Variants in GLIS3 observed in about 807,000 individuals in gnomAD.
GLIS3 encodes the protein zinc finger protein GLIS3.
GLIS3 carries 53 observed loss-of-function variants against 78.6 expected under a neutral mutation model. That is an observed-to-expected ratio of 0.67 (90% CI 0.54 to 0.85). GLIS3 has a LOEUF of 0.85. Among genes scored for constraint, GLIS3 ranks in the 40% least tolerant of loss-of-function variants. The probability of loss-of-function intolerance (pLI) is 0.00; values close to 1 mark genes in which losing one functional copy is unlikely to be tolerated. For missense variants in GLIS3, 1,703 were observed against 1,231.1 expected (o/e 1.38, Z -5.74); for synonymous variants, 684 against 509.9 (o/e 1.34, Z -4.60).
rs930364564 is a variant in GLIS3 at position 4,118,682 on chromosome 9, A to G, written c.796T>C (p.Ser266Pro). ...AAAAGGTAGGATGGTAATGAGTTAG[A>G]GACACTATTGCTGGACATGGATGTC... ...PGTSMSSNSVSNSLPSYLFGT... is the reference protein window; with the variant it reads ...PGTSMSSNSVPNSLPSYLFGT... The change falls in exon 4 of 11, where the codon TCT becomes CCT. Residue 266 changes from serine to proline, a missense_variant. Ser to Pro is a moderately conservative substitution (Grantham distance 74). Transcript: ENST00000381971. This position sits in a 1 kb window ranked among gnomAD's most constrained non-coding sequence, Gnocchi z 4.7. 13 of 1,613,974 alleles carry G rather than the reference A, an allele frequency of 8.1e-6. No individual in the cohort carries two copies. Among genetic ancestry groups the G allele is most frequent in the Middle Eastern group, 3.3e-4 (2 of 6,084 alleles).
intron 4 of GLIS3, among the ~76,000 whole-genome samples, chr9:4,083,176 A>G (rs1588629252): frequency 6.6e-6 from 1 of 152,166 alleles, no homozygotes; most frequent in East Asian, 1.9e-4. Flanking sequence ...TTCATCCACA[A>G]TTTGGTTCAA....
chr9:4,294,921 T>C (rs1208532132), intron 1 of GLIS3, among the ~76,000 whole-genome samples: 1 of 152,240 alleles, frequency 6.6e-6, no homozygotes, highest in African/African-American at 2.4e-5. Flanking sequence ...CCCACATCTA[T>C]AATTTACTGC....
At chr9:3,837,172 G>A (rs1271458756) in intron 9 of GLIS3, among the ~76,000 whole-genome samples, 4 of 152,166 alleles carry the variant, frequency 2.6e-5, no homozygotes, top group African/African-American at 7.2e-5. Context: ...TTTTCAAGAA[G>A]CACTGACCTG....
At position 4,205,299 on chromosome 9, in the gene GLIS3, T is replaced by C. The variant is rs76213724; in HGVS notation, c.389-79358A>G. On this transcript the variant is annotated intron_variant, in intron 2 of 10. Coordinates refer to ENST00000381971, the MANE Select transcript of GLIS3 (RefSeq NM_001042413.2). The stretch of plus-strand genomic sequence containing the variant: ...CACCCCAATTCAACTATTTCCCCAC[T>C]TGTAGTCATGTGATCTGGATTTACA... 2.6e-5 allele frequency among the ~76,000 whole-genome samples: 4 copies of C among 152,234 alleles called. 1 individual carries two copies. Among genetic ancestry groups the C allele is most frequent in the South Asian group, 4.2e-4 (2 of 4,818 alleles).
intron 6 of GLIS3, among the ~76,000 whole-genome samples, chr9:3,926,145 T>C (rs958995239): frequency 6.6e-6 from 1 of 152,206 alleles, no homozygotes; most frequent in South Asian, 2.1e-4. Context: ...CTAACATCTA[T>C]TGCTATAGTT....
intron 4 of GLIS3, among the ~76,000 whole-genome samples, chr9:4,055,499 G>A (rs1445387608): frequency 2.0e-5 from 3 of 152,146 alleles, no homozygotes; most frequent in African/African-American, 7.2e-5. Flanking sequence ...GCACTCTTGA[G>A]ATGCACAAAA....
chr9:4,375,112 C>CCA, the GLIS3 span, among the ~76,000 whole-genome samples: 1 of 152,144 alleles, frequency 6.6e-6, no homozygotes, highest in Admixed American at 6.5e-5. Flanking sequence ...CTGACAGAAC[C>CCA]CACTGTTCTT....
chr9:3,827,751 G>A lies in GLIS3; in HGVS notation c.*521C>T, dbSNP rs557105857. On this transcript the variant is annotated 3_prime_UTR_variant, in exon 11 of 11. Transcript: ENST00000381971. ...TGGTTAGCATGTGGCTAAGAGAAAAGGGAAACCCAGGGAGTTTCTAAGAGT... is the reference window on the plus strand; with the variant it reads ...TGGTTAGCATGTGGCTAAGAGAAAAAGGAAACCCAGGGAGTTTCTAAGAGT... 7.9e-5 allele frequency: 13 copies of A among 165,414 alleles called. No individual in the cohort carries two copies. In the South Asian group the frequency reaches 2.0e-3, roughly 25 times the overall value. The allele number at this position is 165,414 out of a possible 1,614,324, so 10.2% of individuals were successfully genotyped here.
the GLIS3 span, among the ~76,000 whole-genome samples, chr9:4,465,134 T>G: frequency 3.3e-5 from 5 of 152,378 alleles, no homozygotes; most frequent in Non-Finnish European, 5.9e-5. Flanking sequence ...AAATAGTCCT[T>G]GGGGACTGCC....
chr9:4,229,483 A>T (rs1266201698), intron 2 of GLIS3, among the ~76,000 whole-genome samples: 1 of 152,240 alleles, frequency 6.6e-6, no homozygotes, highest in Non-Finnish European at 1.5e-5. Flanking sequence ...GTGGGTCTTT[A>T]AAAGATTGTA....
intron 4 of GLIS3, among the ~76,000 whole-genome samples, chr9:3,952,620 T>A (rs1816775249): frequency 1.3e-5 from 2 of 152,190 alleles, no homozygotes; most frequent in African/African-American, 4.8e-5. Context: ...ATTCTGGGAT[T>A]GATGAATAAT....
upstream of GLIS3, among the ~76,000 whole-genome samples, chr9:4,351,038 G>A (rs1291838912): frequency 1.3e-5 from 2 of 152,138 alleles, no homozygotes; most frequent in African/African-American, 2.4e-5. Flanking sequence ...GCCTTGAAGT[G>A]CTGGGCCCTG....
intron 2 of GLIS3, among the ~76,000 whole-genome samples, chr9:4,158,023 C>A (rs1320414258): frequency 6.6e-6 from 1 of 152,148 alleles, no homozygotes; most frequent in Non-Finnish European, 1.5e-5. Flanking sequence ...CTCTGAATTG[C>A]CATGGTTGCA....
the GLIS3 span, among the ~76,000 whole-genome samples, chr9:4,390,536 T>C: frequency 6.6e-6 from 1 of 152,168 alleles, no homozygotes; most frequent in Admixed American, 6.5e-5. Flanking sequence ...CAGTGGTACT[T>C]GATAAACTTC....
At chr9:4,133,859 CACACACACACACACA>C (rs1564098445) in intron 2 of GLIS3, among the ~76,000 whole-genome samples, 27 of 98,250 alleles carry the variant, frequency 2.7e-4, no homozygotes, top group East Asian at 4.9e-4. Flanking sequence ...CACACACACA[CACACACACACACACA>C]CCGTACATCT....
At chr9:3,898,636 AG>A (rs1780053821) in intron 7 of GLIS3, 54 bp downstream of exon 7, 1 of 1,604,430 alleles carries the variant, frequency 6.2e-7, no homozygotes, top group Non-Finnish European at 8.5e-7. Flanking sequence ...TTTTAACCAG[AG>A]TAAAAGGCCT....
chr9:4,012,315 T>G (rs917897112), intron 4 of GLIS3, among the ~76,000 whole-genome samples: 4 of 152,188 alleles, frequency 2.6e-5, no homozygotes, highest in Admixed American at 6.5e-5. Context: ...TATTAGGTAT[T>G]GGAAGAGTGT....
chr9:3,853,589 A>T (rs1030643435), intron 9 of GLIS3, among the ~76,000 whole-genome samples: 1 of 152,232 alleles, frequency 6.6e-6, no homozygotes, highest in Non-Finnish European at 1.5e-5. Context: ...AATCTTCCTA[A>T]CAACTGAAGA....
intron 4 of GLIS3, among the ~76,000 whole-genome samples, chr9:4,075,209 T>C (rs1827943639): frequency 6.6e-6 from 1 of 152,116 alleles, no homozygotes. Flanking sequence ...TCAAAATGTA[T>C]ACATTAAATA....
Sources: gnomAD v4.1 joint callset for allele counts (sites outside exome capture counted in the v4.1 genomes callset) on GRCh38, gnomAD v4.1.1 for gene constraint, Gnocchi (gnomAD v3.1) non-coding constraint, MANE v1.5 for transcripts, NCBI Gene and HGNC (gene_info 2026-07-23, HGNC 2026-07-21) for gene names.